GRIN3A: variants seen among roughly 807,000 people sequenced by gnomAD.
GRIN3A encodes glutamate ionotropic receptor NMDA type subunit 3A, also known as glutamate receptor ionotropic, NMDA 3A.
GRIN3A carries 47 observed loss-of-function variants against 92.4 expected under a neutral mutation model. The ratio of observed to expected loss-of-function variants is 0.51; its 90% CI spans 0.40 to 0.65. The LOEUF (loss-of-function observed/expected upper bound fraction) is 0.65. Among genes scored for constraint, GRIN3A ranks in the 30% least tolerant of loss-of-function variants. The probability of loss-of-function intolerance (pLI) is 0.00; values close to 1 mark genes in which losing one functional copy is unlikely to be tolerated. For missense variants in GRIN3A, 1,324 were observed against 1,393.1 expected (o/e 0.95, Z 0.79); for synonymous variants, 527 against 540.6 (o/e 0.97, Z 0.35).
chr9:101,607,983 G>C (rs888095968), intron 6 of GRIN3A, among the ~76,000 whole-genome samples: 1 of 152,200 alleles, frequency 6.6e-6, no homozygotes, highest in African/African-American at 2.4e-5. Context: ...TAGGTTCTGT[G>C]AGGACAATCC....
At chr9:101,626,448 C>T (rs935259786) in intron 4 of GRIN3A, among the ~76,000 whole-genome samples, 7 of 152,008 alleles carry the variant, frequency 4.6e-5, no homozygotes, top group Non-Finnish European at 1.0e-4. Context: ...TCTGGGATGC[C>T]AGGGAGGTAA....
intron 1 of GRIN3A, among the ~76,000 whole-genome samples, chr9:101,696,119 G>A (rs955585457): frequency 6.6e-6 from 1 of 152,208 alleles, no homozygotes; most frequent in Non-Finnish European, 1.5e-5. Context: ...ACTGAGGAGG[G>A]TAAGGACCGG....
rs10125809 is a variant in GRIN3A, at chr9:101,627,144, T to G, written c.2498+1112A>C. On this transcript the variant is annotated intron_variant, in intron 4 of 8. Transcript: ENST00000361820. ...CCATAAATTCGCCTGAAGAAGAGAATACACAAGAAGATCTGGGAGGTAAAG... is the reference window on the plus strand; with the variant it reads ...CCATAAATTCGCCTGAAGAAGAGAAGACACAAGAAGATCTGGGAGGTAAAG... 7.3e-3 allele frequency among the ~76,000 whole-genome samples: 1,116 copies of G among 152,318 alleles called. 12 individuals carry two copies. The highest frequency in any genetic ancestry group is 0.026 in the African/African-American group (1,076 of 41,580).
At chr9:101,648,104 G>A (rs955265276) in intron 3 of GRIN3A, among the ~76,000 whole-genome samples, 1 of 151,730 alleles carries the variant, frequency 6.6e-6, no homozygotes, top group Non-Finnish European at 1.5e-5. Flanking sequence ...GTTTATTGCT[G>A]TAAACTTTCC....
At chr9:101,704,527 T>A (rs944723280) in intron 1 of GRIN3A, among the ~76,000 whole-genome samples, 2 of 152,232 alleles carry the variant, frequency 1.3e-5, no homozygotes, top group African/African-American at 4.8e-5. Flanking sequence ...CAGTAGAAAC[T>A]ATACTTCGAA....
intron 2 of GRIN3A, among the ~76,000 whole-genome samples, chr9:101,677,728 G>A (rs1829417641): frequency 6.6e-6 from 1 of 151,944 alleles, no homozygotes; most frequent in Admixed American, 6.6e-5. Flanking sequence ...ATGATAACAT[G>A]AATTTGTCCA....
chr9:101,637,086 C>T (rs1828793760), intron 3 of GRIN3A, among the ~76,000 whole-genome samples: 1 of 152,006 alleles, frequency 6.6e-6, no homozygotes, highest in Admixed American at 6.6e-5. Flanking sequence ...TGCTTCTACA[C>T]TGGACATTTT....
intron 1 of GRIN3A, among the ~76,000 whole-genome samples, chr9:101,732,923 T>A (rs1035992151): frequency 1.3e-5 from 2 of 152,130 alleles, no homozygotes; most frequent in African/African-American, 4.8e-5. Flanking sequence ...GAGAGATAGA[T>A]TGGGAACATC....
At position 101,731,117 on chromosome 9, in the gene GRIN3A, T is replaced by C. The variant is rs190371660; in HGVS notation, c.699+6164A>G. On this transcript the variant is annotated intron_variant, in intron 1 of 8. Coordinates refer to ENST00000361820, the MANE Select transcript of GRIN3A (RefSeq NM_133445.3). ...TCAATTAATTACATTTCCATCATTT[T>C]GAACATTATTATATAATATGCTTTT... 7.9e-4 allele frequency among the ~76,000 whole-genome samples: 120 copies of C among 152,306 alleles called. 1 individual carries two copies. Among genetic ancestry groups the C allele is most frequent in the Admixed American group, 9.8e-4 (15 of 15,300 alleles).
At chr9:101,663,869 T>C (rs550155939) in intron 3 of GRIN3A, among the ~76,000 whole-genome samples, 2 of 149,288 alleles carry the variant, frequency 1.3e-5, no homozygotes, top group African/African-American at 2.5e-5. Flanking sequence ...CTTTTTCTTT[T>C]TTTTTTTTTA....
intron 6 of GRIN3A, among the ~76,000 whole-genome samples, chr9:101,598,633 C>A (rs1828171445): frequency 6.6e-6 from 1 of 152,050 alleles, no homozygotes; most frequent in South Asian, 2.1e-4. Flanking sequence ...ATGTCATTAT[C>A]ATCATTGCTA....
chr9:101,674,568 A>T (rs932810826), intron 2 of GRIN3A, among the ~76,000 whole-genome samples: 4 of 152,126 alleles, frequency 2.6e-5, no homozygotes, highest in African/African-American at 9.7e-5. Context: ...AGGTCATATA[A>T]ATAAGACCTG....
At chr9:101,624,457 G>A (rs1327579566) in intron 4 of GRIN3A, among the ~76,000 whole-genome samples, 1 of 143,374 alleles carries the variant, frequency 7.0e-6, no homozygotes, top group African/African-American at 2.6e-5. Flanking sequence ...TCCCACCTAT[G>A]AGTGAGAAGA....
At chr9:101,580,153 G>A (rs1453933466) in intron 6 of GRIN3A, among the ~76,000 whole-genome samples, 3 of 152,052 alleles carry the variant, frequency 2.0e-5, no homozygotes, top group African/African-American at 7.2e-5. Context: ...CGTATACTCA[G>A]CCACCCCACT....
intron 1 of GRIN3A, among the ~76,000 whole-genome samples, chr9:101,734,191 A>G (rs1830173601): frequency 6.6e-6 from 1 of 152,252 alleles, no homozygotes; most frequent in South Asian, 2.1e-4. Flanking sequence ...CTGTAGAAGA[A>G]AAAGTCATGT....
chr9:101,712,720 G>T (rs535685747), intron 1 of GRIN3A, among the ~76,000 whole-genome samples: 1 of 152,250 alleles, frequency 6.6e-6, no homozygotes, highest in East Asian at 1.9e-4. Flanking sequence ...AGAACAGAAG[G>T]ATATTGCACA....
At chr9:101,687,924 G>T (rs567295430) in intron 1 of GRIN3A, among the ~76,000 whole-genome samples, 18 of 152,276 alleles carry the variant, frequency 1.2e-4, no homozygotes, top group African/African-American at 4.3e-4. Flanking sequence ...CATGGAAGAA[G>T]AGAAACTTAT....
intron 1 of GRIN3A, among the ~76,000 whole-genome samples, chr9:101,703,340 A>G (rs1051048124): frequency 6.6e-6 from 1 of 152,144 alleles, no homozygotes; most frequent in Non-Finnish European, 1.5e-5. Flanking sequence ...TCTGAGTGGA[A>G]CCTTCTTCCT....
At chr9:101,689,284 C>A (rs1269937964) in intron 1 of GRIN3A, among the ~76,000 whole-genome samples, 2 of 152,146 alleles carry the variant, frequency 1.3e-5, no homozygotes, top group Non-Finnish European at 2.9e-5. Context: ...ATGACCATAT[C>A]ATTCTCCTGC....
Sources: allele counts gnomAD v4.1 joint callset (sites outside exome capture counted in the v4.1 genomes callset), GRCh38; gene constraint gnomAD v4.1.1; transcripts MANE v1.5; gene names NCBI Gene and HGNC (gene_info 2026-07-23, HGNC 2026-07-21).